Variants in HRH1 observed in about 807,000 individuals in gnomAD.
HRH1 encodes histamine receptor H1.
HRH1 carries 6 observed loss-of-function variants against 10.3 expected under a neutral mutation model. The observed-to-expected ratio is 0.58, with a 90% CI of 0.32 to 1.15. The LOEUF is 1.15. HRH1 is among the 50% of genes most tolerant of loss of function. The pLI, the probability that HRH1 is intolerant of heterozygous loss-of-function variation, is 0.05. For synonymous variants in HRH1, 242 were observed against 236.7 expected (o/e 1.02, Z -0.21); for missense variants, 514 against 615.3 (o/e 0.84, Z 1.74).
intron 1 of HRH1, among the ~76,000 whole-genome samples, chr3:11,157,308 G>A (rs1458794152): frequency 7.2e-5 from 11 of 152,122 alleles, no homozygotes; most frequent in Admixed American, 4.6e-4. Flanking sequence ...AAAAGCAGAT[G>A]GTATAAATTG....
intron 1 of HRH1, among the ~76,000 whole-genome samples, chr3:11,247,683 G>A (rs1053319408): frequency 5.0e-5 from 7 of 140,238 alleles, no homozygotes; most frequent in African/African-American, 9.9e-5. Flanking sequence ...AAAGCTTTTC[G>A]AAGAAGAATT....
At chr3:11,145,246 A>G (rs1454409294) in intron 1 of HRH1, among the ~76,000 whole-genome samples, 2 of 151,940 alleles carry the variant, frequency 1.3e-5, no homozygotes, top group African/African-American at 2.4e-5. Context: ...TCCCATTGAC[A>G]TCTGTGGCTT....
intron 1 of HRH1, among the ~76,000 whole-genome samples, chr3:11,168,092 G>A (rs1326781855): frequency 2.0e-5 from 3 of 152,130 alleles, no homozygotes; most frequent in African/African-American, 7.2e-5. Context: ...GATGGGCAAT[G>A]TTCGAGTCAA....
intron 1 of HRH1, among the ~76,000 whole-genome samples, chr3:11,255,160 A>G (rs913239398): frequency 6.6e-6 from 1 of 152,214 alleles, no homozygotes; most frequent in Non-Finnish European, 1.5e-5. Flanking sequence ...TTGAAGAGGA[A>G]TTTATCATCT....
At chr3:11,197,825 C>T (rs1224215348) in intron 1 of HRH1, among the ~76,000 whole-genome samples, 1 of 152,156 alleles carries the variant, frequency 6.6e-6, no homozygotes, top group East Asian at 1.9e-4. Flanking sequence ...TGTTTGTAAC[C>T]CTCCAGCATT....
chr3:11,160,267 C>T (rs1035198862), intron 1 of HRH1, among the ~76,000 whole-genome samples: 15 of 152,144 alleles, frequency 9.9e-5, no homozygotes, highest in African/African-American at 2.9e-4. Context: ...TTTTCCCTAC[C>T]CCCAGGATAA....
In HRH1 at chr3:11,224,608, G is replaced by A. The variant is rs573877487; in HGVS notation, c.-35-34395G>A. Reference sequence around the variant, plus strand: ...CCAGCTACTCGGGAGGCTGAGGCAGGAGAATGGCGTGAACCCAGGAGGCGG... The same window carrying A: ...CCAGCTACTCGGGAGGCTGAGGCAGAAGAATGGCGTGAACCCAGGAGGCGG... On this transcript the variant is annotated intron_variant, in intron 1 of 1. Transcript: ENST00000431010. Among the ~76,000 whole-genome samples, 3 of 152,060 alleles carry A rather than the reference G, an allele frequency of 2.0e-5. No homozygotes were observed. The East Asian group carries it at 5.8e-4, about 29-fold the overall frequency.
intron 1 of HRH1, among the ~76,000 whole-genome samples, chr3:11,209,101 T>G (rs1369968424): frequency 1.3e-5 from 2 of 152,202 alleles, no homozygotes; most frequent in Non-Finnish European, 2.9e-5. Context: ...TGATTTGTGA[T>G]GGTAATTTTT....
intron 1 of HRH1, among the ~76,000 whole-genome samples, chr3:11,147,518 A>G (rs1936478131): frequency 6.6e-6 from 1 of 152,194 alleles, no homozygotes; most frequent in African/African-American, 2.4e-5. Flanking sequence ...CCAGTTGAGG[A>G]GAAAGATATC....
At chr3:11,204,005 T>C (rs1938027522) in intron 1 of HRH1, among the ~76,000 whole-genome samples, 2 of 152,216 alleles carry the variant, frequency 1.3e-5, no homozygotes. Flanking sequence ...CCTATATGCC[T>C]GCTTCTAACT....
Position 11,249,358 on chromosome 3 carries a change from G to A in HRH1, c.-35-9645G>A, listed in dbSNP as rs564875649. The stretch of plus-strand genomic sequence containing the variant: ...GCAGAGCTTGCAGTGAGCCGAGATC[G>A]CGCCACTGCACTCCAGCCTGGGTGA... On this transcript the variant is annotated intron_variant, in intron 1 of 1. Coordinates refer to ENST00000431010, the MANE Select transcript of HRH1 (RefSeq NM_001098212.2). Among the ~76,000 whole-genome samples the A allele has an allele frequency of 1.1e-4, 16 of 144,746 alleles. No individual in the cohort carries two copies. In the East Asian group the frequency reaches 1.4e-3, roughly 13 times the overall value. The allele number at this position is 144,746 out of a possible 152,430, so 95.0% of individuals were successfully genotyped here. A position where few individuals can be genotyped will look rare whatever the true frequency, so the allele number is the denominator to read the frequency against.
chr3:11,257,424 G>A (rs1320062970), intron 1 of HRH1, among the ~76,000 whole-genome samples: 1 of 151,824 alleles, frequency 6.6e-6, no homozygotes. Context: ...GCCGGGTGTG[G>A]TGGCACACTC....
intron 1 of HRH1, among the ~76,000 whole-genome samples, chr3:11,220,069 G>C (rs139453667): frequency 2.6e-5 from 4 of 151,322 alleles, no homozygotes; most frequent in Non-Finnish European, 5.9e-5. Context: ...TGTTAGCTCC[G>C]TGACTTTTGG....
intron 1 of HRH1, among the ~76,000 whole-genome samples, chr3:11,237,302 C>A (rs1368282082): frequency 6.6e-6 from 1 of 152,182 alleles, no homozygotes; most frequent in Non-Finnish European, 1.5e-5. Context: ...TTTTCAATTC[C>A]CTGGAATCTT....
rs190454514 is a variant in HRH1, at chr3:11,214,148, G to T, written c.-35-44855G>T. Among the ~76,000 whole-genome samples, 21 of 152,300 alleles carry T rather than the reference G, an allele frequency of 1.4e-4. No homozygotes were observed. The East Asian group carries it at 3.7e-3, about 27-fold the overall frequency. On this transcript the variant is annotated intron_variant, in intron 1 of 1. Transcript: ENST00000431010. ...TGAACTCCAGAGGCTGCAAACAGGA[G>T]GGGGAGGGGAAAGCAGAATAAGGAG...
At chr3:11,184,774 G>A (rs1937420492) in intron 1 of HRH1, among the ~76,000 whole-genome samples, 1 of 152,038 alleles carries the variant, frequency 6.6e-6, no homozygotes, top group African/African-American at 2.4e-5. Context: ...AAACTTAGCT[G>A]GGTGTGGTGG....
Position 11,236,369 on chromosome 3 carries a change from C to T in HRH1, c.-35-22634C>T, listed in dbSNP as rs1032988269. ...ACTTGAACCAAGGAGGCGGAGGTTG[C>T]GGTGAGCTGAGATCGTGCCATTGCA... On this transcript the variant is annotated intron_variant, in intron 1 of 1. Coordinates refer to ENST00000431010, the MANE Select transcript of HRH1 (RefSeq NM_001098212.2). Among the ~76,000 whole-genome samples, 5 of 152,326 alleles carry T rather than the reference C, an allele frequency of 3.3e-5. No individual in the cohort carries two copies. The East Asian group carries it at 5.8e-4, about 18-fold the overall frequency.
At chr3:11,209,538 A>G (rs1449352352) in intron 1 of HRH1, among the ~76,000 whole-genome samples, 2 of 152,204 alleles carry the variant, frequency 1.3e-5, no homozygotes, top group African/African-American at 4.8e-5. Flanking sequence ...TGGCTAGTAG[A>G]CCTGACTTCC....
At chr3:11,229,992 T>C (rs1938998185) in intron 1 of HRH1, among the ~76,000 whole-genome samples, 1 of 151,872 alleles carries the variant, frequency 6.6e-6, no homozygotes, top group Admixed American at 6.6e-5. Context: ...GGGGGTGAGA[T>C]TGGAAGCAGG....
Sources: gnomAD v4.1 joint callset for allele counts (sites outside exome capture counted in the v4.1 genomes callset) on GRCh38, gnomAD v4.1.1 for gene constraint, MANE v1.5 for transcripts, NCBI Gene and HGNC (gene_info 2026-07-23, HGNC 2026-07-21) for gene names.